Variants in TSPYL4 observed in about 807,000 individuals in gnomAD.
The protein encoded by TSPYL4 is TSPY like 4, also known as testis-specific Y-encoded-like protein 4.
A neutral mutation model predicts 24.2 loss-of-function variants in TSPYL4; 22 were observed. The ratio of observed to expected loss-of-function variants is 0.91; its 90% CI spans 0.65 to 1.30. The LOEUF (loss-of-function observed/expected upper bound fraction) is 1.30, where lower values mean the gene tolerates loss of function less well. TSPYL4 is among the 50% of genes most tolerant of loss of function. TSPYL4 has a pLI of 0.00. For synonymous variants in TSPYL4, 211 were observed against 208.2 expected (o/e 1.01, Z -0.12); for missense variants, 569 against 536.7 (o/e 1.06, Z -0.60).
At position 116,250,177 on chromosome 6, in the gene TSPYL4, T is replaced by C. The variant is rs920268260; in HGVS notation, c.*2587A>G. ...GTAAGACAACAGAGTCGTATTTTTC[T>C]TTTTGAGGTTATTTTCACAAGACAT... On this transcript the variant is annotated 3_prime_UTR_variant, in exon 1 of 1. Transcript: ENST00000420283. 1.3e-5 allele frequency: 2 copies of C among 152,468 alleles called. No homozygotes were observed. Among genetic ancestry groups the C allele is most frequent in the African/African-American group, 4.8e-5 (2 of 41,444 alleles). The allele number at this position is 152,468 out of a possible 1,614,324, so 9.4% of individuals were successfully genotyped here. A position where few individuals can be genotyped will look rare whatever the true frequency, so the allele number is the denominator to read the frequency against.
chr6:116,253,886 C>T lies in TSPYL4; in HGVS notation c.123G>A (p.Glu41=). The T allele has an allele frequency of 6.2e-7, 1 of 1,613,912 alleles. No homozygotes were observed. The highest frequency in any genetic ancestry group is 2.2e-5 in the East Asian group (1 of 44,876). ...CTGTGTTCGCCATCACCTGTGTCGC[C>T]TCGGTTTCTTCACGGAGCCCTTGGC... is the stretch of plus-strand genomic sequence containing the variant. The part of the protein sequence containing the change: ...DQCQGLREET[E]ATQVMANTGG... Residue 41 remains glutamate (E), a synonymous_variant, in exon 1 of 1, where the codon GAG becomes GAA. Transcript: ENST00000420283. This position sits in a 1 kb window ranked among gnomAD's most constrained non-coding sequence, Gnocchi z 4.3.
In TSPYL4 at chr6:116,253,420, C is replaced by A; in HGVS notation, c.589G>T (p.Ala197Ser). 1 of 1,551,818 alleles carries A rather than the reference C, an allele frequency of 6.4e-7. No individual in the cohort carries two copies. The highest frequency in any genetic ancestry group is 2.4e-5 in the East Asian group (1 of 40,914). The change falls in exon 1 of 1, where the codon GCC becomes TCC. Residue 197 changes from alanine (A) to serine (S), a missense_variant. Physicochemically the swap from Ala to Ser is moderately conservative, Grantham distance 99 (BLOSUM62 1). Transcript: ENST00000420283. The surrounding 1 kb of genome is among the most constrained non-coding windows in gnomAD (Gnocchi z 4.3). ...GGVKEETRPR[A>S]PKINNCMDSL... is the part of the protein sequence containing the mutation. ...TCCATGCAGTTATTGATCTTCGGGG[C>A]CCTGGGCCGTGTCTCCTCTTTCACC... is the stretch of plus-strand genomic sequence containing the variant.
chr6:116,253,830 C>T lies in TSPYL4; in HGVS notation c.179G>A (p.Gly60Glu), dbSNP rs1200008753. Residue 60 changes from glycine to glutamate, a missense_variant, in exon 1 of 1, where the codon GGG (glycine) becomes GAG (glutamate). Coordinates refer to ENST00000420283, the MANE Select transcript of TSPYL4 (RefSeq NM_021648.5). This position sits in a 1 kb window ranked among gnomAD's most constrained non-coding sequence, Gnocchi z 4.3. Reference protein sequence around the residue: ...GGGSLETVAEGGASQDPVDCG... With the variant: ...GGGSLETVAEEGASQDPVDCG... ...GTCGACAGGATCCTGGGATGCACCC[C>T]CCTCCGCAACGGTCTCCAGGCTGCC... 5 of 1,611,744 alleles carry T rather than the reference C, an allele frequency of 3.1e-6. No individual in the cohort carries two copies. Among genetic ancestry groups the T allele is most frequent in the South Asian group, 1.1e-5 (1 of 90,480 alleles).
rs1027375722 is a variant in TSPYL4, at chr6:116,250,731, C to G, written c.*2033G>C. On this transcript the variant is annotated 3_prime_UTR_variant, in exon 1 of 1. Transcript: ENST00000420283. ...AAACCCACGCCACAGCAGGCTCATT[C>G]CTGCTCTGGACTTTTACTCAGTTTC... is the stretch of plus-strand genomic sequence containing the variant. 1.3e-5 allele frequency: 2 copies of G among 152,792 alleles called. No individual in the cohort carries two copies. Among genetic ancestry groups the G allele is most frequent in the African/African-American group, 4.8e-5 (2 of 41,462 alleles). The allele number at this position is 152,792 out of a possible 1,614,324, so 9.5% of individuals were successfully genotyped here.
chr6:116,253,703 T>G lies in TSPYL4; in HGVS notation c.306A>C (p.Ala102=), dbSNP rs780096678. 7.0e-6 allele frequency: 11 copies of G among 1,563,652 alleles called. No individual in the cohort carries two copies. The highest frequency in any genetic ancestry group is 9.5e-6 in the Non-Finnish European group (11 of 1,152,488). Residue 102 remains alanine (A), a synonymous_variant, in exon 1 of 1, where the codon GCA becomes GCC. Transcript: ENST00000420283. The surrounding 1 kb of genome is among the most constrained non-coding windows in gnomAD (Gnocchi z 4.3). ...DAPPSTKGLE[A]ASAAEAADSS... Reference sequence around the variant, plus strand: ...TGTCAGCAGCCTCGGCGGCAGAGGCTGCTTCCAGACCTTTCGTAGAAGGTG... The same window carrying G: ...TGTCAGCAGCCTCGGCGGCAGAGGCGGCTTCCAGACCTTTCGTAGAAGGTG...
Position 116,254,003 on chromosome 6 carries a change from G to GC in TSPYL4, c.5dup (p.Ser2ArgfsTer37). On this transcript the variant is annotated frameshift_variant, in exon 1 of 1. Coordinates refer to ENST00000420283, the MANE Select transcript of TSPYL4 (RefSeq NM_021648.5). LOFTEE classifies it low-confidence loss of function (END_TRUNC). ...GGAGCTTGTTGCCCCCATCCAGGCC[G>GC]CTCATTTTGGAAGAAGTCAGACTAG... 1 of 1,565,924 alleles carries GC rather than the reference G, an allele frequency of 6.4e-7. No individual in the cohort carries two copies. The highest frequency in any genetic ancestry group is 2.2e-5 in the East Asian group (1 of 44,492).
chr6:116,253,953 G>T lies in TSPYL4; in HGVS notation c.56C>A (p.Ala19Asp), dbSNP rs17524614. The part of the protein sequence containing the change: ...KLPLAQTGGL[A>D]APDHASGDPD... ...ATCTCCTGAGGCATGGTCGGGAGCA[G>T]CCAGGCCGCCGGTTTGGGCGAGAGG... The change falls in exon 1 of 1, where the codon GCT (alanine) becomes GAT (aspartate). Residue 19 changes from alanine (A) to aspartate (D), a missense_variant. Coordinates refer to ENST00000420283, the MANE Select transcript of TSPYL4 (RefSeq NM_021648.5). The surrounding 1 kb of genome is among the most constrained non-coding windows in gnomAD (Gnocchi z 4.3). 208,339 of 1,604,858 alleles carry T rather than the reference G, an allele frequency of 0.13. 15,107 individuals carry two copies. The highest frequency in any genetic ancestry group is 0.25 in the Admixed American group (14,558 of 58,026).
chr6:116,252,975 T>C lies in TSPYL4; in HGVS notation c.1034A>G (p.Asn345Ser). 1 of 1,614,102 alleles carries C rather than the reference T, an allele frequency of 6.2e-7. No individual in the cohort carries two copies. Among genetic ancestry groups the C allele is most frequent in the East Asian group, 2.2e-5 (1 of 44,876 alleles). ...ACTAGGGATAGTGTTCCCTTCCCGGTTTCTGTGGATATGAGCCTGGGGGTC... is the reference window on the plus strand; with the variant it reads ...ACTAGGGATAGTGTTCCCTTCCCGGCTTCTGTGGATATGAGCCTGGGGGTC... ...GQDPQAHIHR[N>S]REGNTIPSFF... Residue 345 changes from asparagine to serine, a missense_variant, in exon 1 of 1, where the codon AAC (asparagine) becomes AGC (serine). Physicochemically the swap from Asn to Ser is conservative, Grantham distance 46. Coordinates refer to ENST00000420283, the MANE Select transcript of TSPYL4 (RefSeq NM_021648.5).
In TSPYL4 at chr6:116,253,999, G is replaced by C; in HGVS notation, c.10C>G (p.Leu4Val). The change falls in exon 1 of 1, where the codon CTG becomes GTG. Residue 4 changes from leucine (L) to valine (V), a missense_variant. By Grantham distance (32) the Leu-to-Val change is conservative (BLOSUM62 1). Transcript: ENST00000420283. This position sits in a 1 kb window ranked among gnomAD's most constrained non-coding sequence, Gnocchi z 4.3. ...AGAGGGAGCTTGTTGCCCCCATCCAGGCCGCTCATTTTGGAAGAAGTCAGA... is the reference window on the plus strand; with the variant it reads ...AGAGGGAGCTTGTTGCCCCCATCCACGCCGCTCATTTTGGAAGAAGTCAGA... MSG[L>V]DGGNKLPLAQ... 1 of 1,571,214 alleles carries C rather than the reference G, an allele frequency of 6.4e-7. No individual in the cohort carries two copies. Among genetic ancestry groups the C allele is most frequent in the Non-Finnish European group, 8.6e-7 (1 of 1,159,764 alleles).
In TSPYL4 at chr6:116,253,392, G is replaced by C; in HGVS notation, c.617C>G (p.Ser206Ter). The C allele has an allele frequency of 6.4e-7, 1 of 1,552,104 alleles. No homozygotes were observed. Among genetic ancestry groups the C allele is most frequent in the Non-Finnish European group, 8.7e-7 (1 of 1,147,156 alleles). ...RAPKINNCMD[S>*]LEAIDQELSN... ...CAACTCTTGATCGATGGCCTCCAGT[G>C]AGTCCATGCAGTTATTGATCTTCGG... Residue 206 changes from serine (S) to a stop codon, truncating the protein, a stop_gained, in exon 1 of 1, where the codon TCA becomes TGA. Coordinates refer to ENST00000420283, the MANE Select transcript of TSPYL4 (RefSeq NM_021648.5). LOFTEE classifies it high-confidence loss of function. The surrounding 1 kb of genome is among the most constrained non-coding windows in gnomAD (Gnocchi z 4.3).
At position 116,253,115 on chromosome 6, in the gene TSPYL4, G is replaced by A. The variant is rs1379119887; in HGVS notation, c.894C>T (p.Phe298=). ...KHPRAGCKFK[F]IFQGNPYFRN... is the part of the protein sequence containing the mutation. Reference sequence around the variant, plus strand: ...GGAAGTAGGGGTTGCCCTGAAAGATGAACTTGAATTTGCAGCCTGCTCTGG... The same window carrying A: ...GGAAGTAGGGGTTGCCCTGAAAGATAAACTTGAATTTGCAGCCTGCTCTGG... The change falls in exon 1 of 1, where the codon TTC becomes TTT. Residue 298 remains phenylalanine, a synonymous_variant. Transcript: ENST00000420283. This position sits in a 1 kb window ranked among gnomAD's most constrained non-coding sequence, Gnocchi z 4.3. 2 of 1,614,082 alleles carry A rather than the reference G, an allele frequency of 1.2e-6. No homozygotes were observed. Among genetic ancestry groups the A allele is most frequent in the Admixed American group, 3.3e-5 (2 of 60,018 alleles).
rs1771971864 is a variant in TSPYL4 at position 116,252,686 on chromosome 6, C to G, written c.*78G>C. 1 of 1,428,112 alleles carries G rather than the reference C, an allele frequency of 7.0e-7. No homozygotes were observed. Among genetic ancestry groups the G allele is most frequent in the Admixed American group, 2.8e-5 (1 of 36,050 alleles). 88.5% of individuals were successfully genotyped at this position (1,428,112 alleles called of 1,614,324 possible). A position where few individuals can be genotyped will look rare whatever the true frequency, so the allele number is the denominator to read the frequency against. Reference sequence around the variant, plus strand: ...GTATGAAGAGAAAGCAGATGGAAGACTGCATGCTGTTGGCCAAGCATAGGT... The same window carrying G: ...GTATGAAGAGAAAGCAGATGGAAGAGTGCATGCTGTTGGCCAAGCATAGGT... On this transcript the variant is annotated 3_prime_UTR_variant, in exon 1 of 1. Transcript: ENST00000420283.
rs1238207503 is a variant in TSPYL4 at position 116,250,331 on chromosome 6, T to C, written c.*2433A>G. The C allele has an allele frequency of 6.6e-6, 1 of 152,642 alleles. No individual in the cohort carries two copies. The highest frequency in any genetic ancestry group is 6.5e-5 in the Admixed American group (1 of 15,288). The allele number at this position is 152,642 out of a possible 1,614,324, so 9.5% of individuals were successfully genotyped here. A position where few individuals can be genotyped will look rare whatever the true frequency, so the allele number is the denominator to read the frequency against. ...TAATGAATATTCACTGAATTCTTCA[T>C]ACTGCACAGGACACAAATTTGGTAT... On this transcript the variant is annotated 3_prime_UTR_variant, in exon 1 of 1. Coordinates refer to ENST00000420283, the MANE Select transcript of TSPYL4 (RefSeq NM_021648.5).
Position 116,251,541 on chromosome 6 carries a change from G to T in TSPYL4, c.*1223C>A. 1 of 294,216 alleles carries T rather than the reference G, an allele frequency of 3.4e-6. No homozygotes were observed. The highest frequency in any genetic ancestry group is 6.2e-6 in the Non-Finnish European group (1 of 161,912). The allele number at this position is 294,216 out of a possible 1,614,324, so 18.2% of individuals were successfully genotyped here. ...TAACCTTTCTCTCTGAACACAATCA[G>T]GGAAAGAGCAAATTAAACAAAAAGC... On this transcript the variant is annotated 3_prime_UTR_variant, in exon 1 of 1. Transcript: ENST00000420283.
rs1306524057 is a variant in TSPYL4, at chr6:116,253,882, T to C, written c.127A>G (p.Thr43Ala). 1.2e-6 allele frequency: 2 copies of C among 1,613,766 alleles called. No individual in the cohort carries two copies. The highest frequency in any genetic ancestry group is 1.7e-6 in the Non-Finnish European group (2 of 1,179,854). Residue 43 changes from threonine to alanine, a missense_variant, in exon 1 of 1, where the codon ACA becomes GCA. Thr to Ala is a moderately conservative substitution (Grantham distance 58, BLOSUM62 0). Coordinates refer to ENST00000420283, the MANE Select transcript of TSPYL4 (RefSeq NM_021648.5). This position sits in a 1 kb window ranked among gnomAD's most constrained non-coding sequence, Gnocchi z 4.3. ...CQGLREETEATQVMANTGGGS... is the reference protein window; with the variant it reads ...CQGLREETEAAQVMANTGGGS... Reference sequence around the variant, plus strand: ...CCACCTGTGTTCGCCATCACCTGTGTCGCCTCGGTTTCTTCACGGAGCCCT... The same window carrying C: ...CCACCTGTGTTCGCCATCACCTGTGCCGCCTCGGTTTCTTCACGGAGCCCT...
chr6:116,252,687 T>C lies in TSPYL4; in HGVS notation c.*77A>G. On this transcript the variant is annotated 3_prime_UTR_variant, in exon 1 of 1. Transcript: ENST00000420283. Reference sequence around the variant, plus strand: ...TATGAAGAGAAAGCAGATGGAAGACTGCATGCTGTTGGCCAAGCATAGGTC... The same window carrying C: ...TATGAAGAGAAAGCAGATGGAAGACCGCATGCTGTTGGCCAAGCATAGGTC... 1 of 1,429,690 alleles carries C rather than the reference T, an allele frequency of 7.0e-7. No homozygotes were observed. Among genetic ancestry groups the C allele is most frequent in the Non-Finnish European group, 9.3e-7 (1 of 1,075,532 alleles). 88.6% of individuals were successfully genotyped at this position (1,429,690 alleles called of 1,614,324 possible). A position where few individuals can be genotyped will look rare whatever the true frequency, so the allele number is the denominator to read the frequency against.
Position 116,250,037 on chromosome 6 carries a change from A to G in TSPYL4, c.*2727T>C, listed in dbSNP as rs1286858082. On this transcript the variant is annotated 3_prime_UTR_variant, in exon 1 of 1. Transcript: ENST00000420283. Reference sequence around the variant, plus strand: ...GACACTTTATTTTTCCTTCAAGCACATGGGAGAAGACAAAAGTACTAAATG... The same window carrying G: ...GACACTTTATTTTTCCTTCAAGCACGTGGGAGAAGACAAAAGTACTAAATG... The G allele has an allele frequency of 1.3e-5, 2 of 152,184 alleles. No homozygotes were observed. Among genetic ancestry groups the G allele is most frequent in the African/African-American group, 2.4e-5 (1 of 41,450 alleles). 9.4% of individuals were successfully genotyped at this position (152,184 alleles called of 1,614,324 possible).
In TSPYL4 at chr6:116,250,941, C is replaced by G. The variant is rs1282267253; in HGVS notation, c.*1823G>C. The G allele has an allele frequency of 5.5e-6, 2 of 361,882 alleles. No individual in the cohort carries two copies. The highest frequency in any genetic ancestry group is 8.0e-5 in the East Asian group (2 of 25,106). 22.4% of individuals were successfully genotyped at this position (361,882 alleles called of 1,614,324 possible). On this transcript the variant is annotated 3_prime_UTR_variant, in exon 1 of 1. Coordinates refer to ENST00000420283, the MANE Select transcript of TSPYL4 (RefSeq NM_021648.5). ...CCTACTGGAACTTGTCCGTGAAAAT[C>G]CACACAGATGCTGCACATCCCCTTA... is the stretch of plus-strand genomic sequence containing the variant.
In TSPYL4 at chr6:116,253,189, C is replaced by T. The variant is rs1378274233; in HGVS notation, c.820G>A (p.Asp274Asn). Residue 274 changes from aspartate to asparagine, a missense_variant, in exon 1 of 1, where the codon GAC becomes AAC. By Grantham distance (23) the Asp-to-Asn change is conservative. Coordinates refer to ENST00000420283, the MANE Select transcript of TSPYL4 (RefSeq NM_021648.5). This position sits in a 1 kb window ranked among gnomAD's most constrained non-coding sequence, Gnocchi z 4.3. ...AAATTGATCATGTACCTCAGCATGTCTTCATCTTGGCCACTGATCATAGGT... is the reference window on the plus strand; with the variant it reads ...AAATTGATCATGTACCTCAGCATGTTTTCATCTTGGCCACTGATCATAGGT... Reference protein sequence around the residue: ...LSPMISGQDEDMLRYMINLEV... With the variant: ...LSPMISGQDENMLRYMINLEV... 6.2e-7 allele frequency: 1 copy of T among 1,613,960 alleles called. No individual in the cohort carries two copies. The highest frequency in any genetic ancestry group is 8.5e-7 in the Non-Finnish European group (1 of 1,179,978).
Sources: allele counts gnomAD v4.1 joint callset, GRCh38; gene constraint gnomAD v4.1.1; non-coding constraint Gnocchi (gnomAD v3.1); transcripts MANE v1.5; gene names NCBI Gene and HGNC (gene_info 2026-07-23, HGNC 2026-07-21).